Variants in NCBP1 observed in about 807,000 individuals in gnomAD.
NCBP1 encodes the protein nuclear cap-binding protein subunit 1.
In NCBP1, 16 loss-of-function variants were observed where a neutral mutation model predicts 111.7. The ratio of observed to expected loss-of-function variants is 0.14; its 90% CI spans 0.10 to 0.22. The LOEUF is 0.22. NCBP1 is among the 10% of genes least tolerant of loss of function. The pLI is 1.00. For missense variants in NCBP1, 607 were observed against 957.5 expected, an observed-to-expected ratio of 0.63 and a Z score of 4.83; for synonymous variants, 304 against 314.3, an observed-to-expected ratio of 0.97 and a Z score of 0.35.
Position 97,647,496 on chromosome 9 carries a change from C to T in NCBP1, c.616C>T (p.Arg206Cys). The change falls in exon 7 of 23, where the codon CGC becomes TGC. Residue 206 changes from arginine to cysteine, a missense_variant. Physicochemically the swap from Arg to Cys is radical, Grantham distance 180 (BLOSUM62 -3). Coordinates refer to ENST00000375147, the MANE Select transcript of NCBP1 (RefSeq NM_002486.5). Reference protein sequence around the residue: ...FANTESYLKRRQKTHVPMLQV... With the variant: ...FANTESYLKRCQKTHVPMLQV... ...GATTTTCATTTTTATCTTTAGAAGA[C>T]GCCAAAAGACTCATGTACCCATGTT... is the stretch of plus-strand genomic sequence containing the variant. 2 of 1,610,964 alleles carry T rather than the reference C, an allele frequency of 1.2e-6. No individual in the cohort carries two copies. The highest frequency in any genetic ancestry group is 1.1e-5 in the South Asian group (1 of 90,908).
intron 10 of NCBP1, among the ~76,000 whole-genome samples, chr9:97,651,657 A>G (rs116907669): frequency 6.6e-6 from 1 of 152,196 alleles, no homozygotes; most frequent in Non-Finnish European, 1.5e-5. Context: ...GGATAATGTA[A>G]GTTACCTCTA....
intron 16 of NCBP1, 38 bp downstream of exon 16, chr9:97,661,106 A>T: frequency 1.9e-6 from 3 of 1,605,648 alleles, no homozygotes; most frequent in Non-Finnish European, 2.5e-6. Context: ...GGAACTATGT[A>T]TAGGCCAACT....
chr9:97,651,218 G>A, intron 9 of NCBP1, 92 bp from the exon 10 acceptor site: 1 of 960,324 alleles, frequency 1.0e-6, no homozygotes, highest in Non-Finnish European at 1.5e-6. Flanking sequence ...ATTTTTCTTT[G>A]CTTATATCTA....
At chr9:97,653,401 G>A (rs1488601277) in intron 10 of NCBP1, among the ~76,000 whole-genome samples, 2 of 152,156 alleles carry the variant, frequency 1.3e-5, no homozygotes, top group Non-Finnish European at 2.9e-5. Flanking sequence ...GATTACAGGC[G>A]TGAGCCACTG....
chr9:97,657,133 AT>A (rs1161324376), intron 14 of NCBP1, among the ~76,000 whole-genome samples: 1 of 151,966 alleles, frequency 6.6e-6, no homozygotes, highest in African/African-American at 2.4e-5. Context: ...CGCCTGGCTA[AT>A]TTTTTGTAGT....
chr9:97,650,087 T>C (rs1204459125), intron 8 of NCBP1, among the ~76,000 whole-genome samples: 2 of 152,194 alleles, frequency 1.3e-5, no homozygotes, highest in African/African-American at 4.8e-5. Context: ...GACAGTATAT[T>C]ATGGGCATTT....
chr9:97,655,895 G>A (rs1428528491), intron 13 of NCBP1, 116 bp from the exon 14 acceptor site: 2 of 1,322,562 alleles, frequency 1.5e-6, no homozygotes, highest in East Asian at 4.8e-5. Context: ...AGTTACAAGT[G>A]CAATTATAAC....
intron 21 of NCBP1, 39 bp downstream of exon 21, chr9:97,669,013 A>C: frequency 6.5e-7 from 1 of 1,539,532 alleles, no homozygotes; most frequent in South Asian, 1.2e-5. Flanking sequence ...AAAGGAAACA[A>C]TACATTTCTT....
At chr9:97,656,823 C>T (rs1486983212) in intron 14 of NCBP1, among the ~76,000 whole-genome samples, 2 of 152,304 alleles carry the variant, frequency 1.3e-5, no homozygotes, top group East Asian at 3.9e-4. Context: ...AACAAAACCA[C>T]TCTCCTACCT....
intron 14 of NCBP1, among the ~76,000 whole-genome samples, chr9:97,657,885 G>GCTCTCGCT (rs1827706048): frequency 8.8e-6 from 1 of 114,028 alleles, no homozygotes; most frequent in Admixed American, 9.2e-5. Context: ...GCCCCGGTAA[G>GCTCTCGCT]CTCTCTCTCT....
At chr9:97,647,392 G>C in intron 6 of NCBP1, 100 bp from the exon 7 acceptor site, 1 of 898,364 alleles carries the variant, frequency 1.1e-6, no homozygotes, top group South Asian at 1.5e-5. Context: ...TAGGTAAAAT[G>C]TTATTTCATT....
At chr9:97,670,810 C>CTT (rs1180517720) in intron 22 of NCBP1, among the ~76,000 whole-genome samples, 2 of 152,170 alleles carry the variant, frequency 1.3e-5, no homozygotes, top group Admixed American at 6.5e-5. Context: ...AGCAAGCAGG[C>CTT]ACTGCTGCCA....
At chr9:97,655,980 A>T (rs769237343) in intron 13 of NCBP1, 31 bp from the exon 14 acceptor site, 1 of 1,579,970 alleles carries the variant, frequency 6.3e-7, no homozygotes, top group East Asian at 2.2e-5. Flanking sequence ...GATTATATGT[A>T]AGCATTGATA....
intron 18 of NCBP1, 37 bp from the exon 19 acceptor site, chr9:97,664,303 G>T: frequency 7.8e-6 from 10 of 1,282,442 alleles, no homozygotes; most frequent in Non-Finnish European, 1.1e-5. Flanking sequence ...GTGTGTATGT[G>T]TGTGTGTGAT....
chr9:97,653,855 A>T lies in NCBP1; in HGVS notation c.1117A>T (p.Thr373Ser). The part of the protein sequence containing the change: ...PAPPHIDVMY[T>S]TLLIELCKLQ... ...ACCCCCTCACATTGATGTGATGTAC[A>T]CAACACTCCTCATTGAACTGTGCAA... Residue 373 changes from threonine to serine, a missense_variant, in exon 11 of 23, where the codon ACA (threonine) becomes TCA (serine). Thr to Ser is a moderately conservative substitution (Grantham distance 58). This residue lies in a region of NCBP1 where 33 missense variants were observed against 46.5 expected (regional missense o/e 0.71). Transcript: ENST00000375147. The T allele has an allele frequency of 6.2e-7, 1 of 1,614,108 alleles. No individual in the cohort carries two copies. Among genetic ancestry groups the T allele is most frequent in the Non-Finnish European group, 8.5e-7 (1 of 1,180,000 alleles).
Position 97,654,947 on chromosome 9 carries a change from A to T in NCBP1, c.1235+3A>T. On this transcript the variant is annotated splice_donor_region_variant and intron_variant, in intron 12 of 22. Coordinates refer to ENST00000375147, the MANE Select transcript of NCBP1 (RefSeq NM_002486.5). ...ATGAACACTACCTGTGTAGACAGGTACAGTAATCGCTTTACTGCTGAGCTG... is the reference window on the plus strand; with the variant it reads ...ATGAACACTACCTGTGTAGACAGGTTCAGTAATCGCTTTACTGCTGAGCTG... The T allele has an allele frequency of 6.3e-7, 1 of 1,590,006 alleles. No homozygotes were observed. Among genetic ancestry groups the T allele is most frequent in the Non-Finnish European group, 8.6e-7 (1 of 1,169,454 alleles).
intron 20 of NCBP1, among the ~76,000 whole-genome samples, chr9:97,667,630 C>G (rs1394106962): frequency 2.0e-5 from 3 of 152,086 alleles, no homozygotes; most frequent in Non-Finnish European, 2.9e-5. Context: ...GGTAAATGAC[C>G]AGAGCTAGGT....
chr9:97,649,552 A>T (rs956842118), intron 8 of NCBP1, among the ~76,000 whole-genome samples: 4 of 152,188 alleles, frequency 2.6e-5, no homozygotes, highest in Non-Finnish European at 5.9e-5. Flanking sequence ...GTATATATGT[A>T]ATCTATTTTG....
rs1828163228 is a variant in NCBP1 at position 97,670,716 on chromosome 9, T to C, written c.2260-370T>C. 3.3e-5 allele frequency among the ~76,000 whole-genome samples: 5 copies of C among 152,304 alleles called. No individual in the cohort carries two copies. The South Asian group carries it at 1.0e-3, about 32-fold the overall frequency. On this transcript the variant is annotated intron_variant, in intron 22 of 22. Coordinates refer to ENST00000375147, the MANE Select transcript of NCBP1 (RefSeq NM_002486.5). ...GACTGTTTATCTTCCTGTCAGTCCG[T>C]CTGGCTGCTTTTTAAAAAGTTACAA...
Sources: allele counts gnomAD v4.1 joint callset (sites outside exome capture counted in the v4.1 genomes callset), GRCh38; gene constraint gnomAD v4.1.1; regional missense constraint gnomAD v4.1.1; transcripts MANE v1.5; gene names NCBI Gene and HGNC (gene_info 2026-07-23, HGNC 2026-07-21).